Variants in LRRC9 observed in about 807,000 individuals in gnomAD.
LRRC9 encodes the protein leucine-rich repeat-containing protein 9.
Under a neutral mutation model 63.2 loss-of-function variants are expected in LRRC9, and 122 were observed. The observed-to-expected ratio is 1.93, with a 90% CI of 1.67 to 2.24. The LOEUF is 2.24. Ranked by LOEUF, LRRC9 falls within the 30% of genes most tolerant of loss-of-function variation. The probability of loss-of-function intolerance (pLI) is 0.00; values close to 1 mark genes in which losing one functional copy is unlikely to be tolerated. For missense variants in LRRC9, 1,071 were observed against 627.7 expected (o/e 1.71, Z -7.55); for synonymous variants, 366 against 213.1 (o/e 1.72, Z -6.25).
intron 28 of LRRC9, among the ~76,000 whole-genome samples, chr14:60,028,632 ACT>A: frequency 6.6e-6 from 1 of 151,946 alleles, no homozygotes; most frequent in East Asian, 1.9e-4. Flanking sequence ...AACTGCTCAG[ACT>A]CTCTCCTGAG....
At chr14:59,934,392 T>C (rs1889959605) in intron 6 of LRRC9, among the ~76,000 whole-genome samples, 1 of 152,112 alleles carries the variant, frequency 6.6e-6, no homozygotes, top group Non-Finnish European at 1.5e-5. Flanking sequence ...AGAATACCAG[T>C]GGGGCCATCC....
chr14:59,949,525 T>C (rs1439913675), intron 8 of LRRC9, among the ~76,000 whole-genome samples: 4 of 151,350 alleles, frequency 2.6e-5, no homozygotes, highest in African/African-American at 9.8e-5. Flanking sequence ...CTGCTCTGAT[T>C]TTAGTTATTT....
In LRRC9 at chr14:59,936,787, CAG is replaced by C. The variant is rs1378278300; in HGVS notation, c.544-1596_544-1595del. Among the ~76,000 whole-genome samples the C allele has an allele frequency of 2.0e-5, 3 of 152,196 alleles. No individual in the cohort carries two copies. Among genetic ancestry groups the C allele is most frequent in the Non-Finnish European group, 4.4e-5 (3 of 68,024 alleles). ...CCAGTGAGCCACATTCTCACTTGTC[CAG>C]AGAGAGTTTGGAAATACATTAACCG... On this transcript the variant is annotated intron_variant, in intron 6 of 31. Coordinates refer to ENST00000445360, the Ensembl canonical transcript of LRRC9. This position sits in a 1 kb window ranked among gnomAD's most constrained non-coding sequence, Gnocchi z 4.2.
At chr14:60,033,571 C>T (rs892939844) in intron 29 of LRRC9, among the ~76,000 whole-genome samples, 8 of 151,970 alleles carry the variant, frequency 5.3e-5, no homozygotes, top group Non-Finnish European at 1.0e-4. Flanking sequence ...TGGTAAATTA[C>T]GTTAATAGAC....
rs1566794958 is a variant in LRRC9, at chr14:59,942,927, T to C, written c.727-1662T>C. Among the ~76,000 whole-genome samples the C allele has an allele frequency of 1.3e-5, 2 of 152,156 alleles. No homozygotes were observed. The highest frequency in any genetic ancestry group is 2.9e-5 in the Non-Finnish European group (2 of 68,018). On this transcript the variant is annotated intron_variant, in intron 7 of 31. Coordinates refer to ENST00000445360, the Ensembl canonical transcript of LRRC9. The surrounding 1 kb of genome is among the most constrained non-coding windows in gnomAD (Gnocchi z 5.3). ...CATTTGTATGGTCTGTTGAGAAATG[T>C]CTATGCAGTTCCTTTGCCCACCTTT...
At chr14:59,983,124 C>T (rs193123658) in intron 16 of LRRC9, among the ~76,000 whole-genome samples, 1 of 152,296 alleles carries the variant, frequency 6.6e-6, no homozygotes, top group East Asian at 1.9e-4. Context: ...TAGACTATTA[C>T]CCCAGCCTTC....
chr14:59,928,110 G>T (rs9323357), intron 2 of LRRC9, 119 bp downstream of exon 2: 248,755 of 571,922 alleles, frequency 0.43, 61,325 homozygotes, highest in African/African-American at 0.83. Flanking sequence ...TAGTGACTTT[G>T]GGAAGCAGAG....
chr14:60,025,997 G>A (rs892889542), intron 27 of LRRC9, among the ~76,000 whole-genome samples: 3 of 152,084 alleles, frequency 2.0e-5, no homozygotes, highest in Admixed American at 2.0e-4. Context: ...AGGTACTAAA[G>A]CTAAAGTCAT....
Position 59,927,927 on chromosome 14 carries a change from A to C in LRRC9, c.-17A>C. On this transcript the variant is annotated 5_prime_UTR_variant, in exon 2 of 32. Coordinates refer to ENST00000445360, the Ensembl canonical transcript of LRRC9. This position sits in a 1 kb window ranked among gnomAD's most constrained non-coding sequence, Gnocchi z 4.4. ...CCTTAAAAGTTATAATATTATGATCACTGTTTTTAATGGAAGATGATTGAA... is the reference window on the plus strand; with the variant it reads ...CCTTAAAAGTTATAATATTATGATCCCTGTTTTTAATGGAAGATGATTGAA... The C allele has an allele frequency of 1.5e-6, 1 of 672,604 alleles. No homozygotes were observed. The highest frequency in any genetic ancestry group is 2.7e-6 in the Non-Finnish European group (1 of 374,030). The allele number at this position is 672,604 out of a possible 1,614,324, so 41.7% of individuals were successfully genotyped here.
intron 17 of LRRC9, among the ~76,000 whole-genome samples, chr14:59,991,302 T>A (rs1280126182): frequency 6.6e-6 from 1 of 152,132 alleles, no homozygotes; most frequent in African/African-American, 2.4e-5. Flanking sequence ...GGTAAGTTGG[T>A]TCTACTAAGT....
At chr14:60,011,581 A>G (rs1351059444) in intron 23 of LRRC9, among the ~76,000 whole-genome samples, 1 of 152,198 alleles carries the variant, frequency 6.6e-6, no homozygotes, top group East Asian at 1.9e-4. Flanking sequence ...TTTGCATTTT[A>G]CTATTTGATT....
intron 16 of LRRC9, among the ~76,000 whole-genome samples, chr14:59,982,790 TAA>T (rs751823867): frequency 1.3e-5 from 2 of 152,190 alleles, no homozygotes; most frequent in Non-Finnish European, 2.9e-5. Flanking sequence ...CTGAGCACAT[TAA>T]GACTAGTCAC....
In LRRC9 at chr14:59,956,231, T is replaced by C. The variant is rs577192712; in HGVS notation, c.883-3587T>C. 5.3e-5 allele frequency among the ~76,000 whole-genome samples: 8 copies of C among 152,180 alleles called. 1 individual carries two copies. In the East Asian group the frequency reaches 1.5e-3, roughly 29 times the overall value. On this transcript the variant is annotated intron_variant, in intron 8 of 31. Coordinates refer to ENST00000445360, the Ensembl canonical transcript of LRRC9. ...CTTGTTGATCTGTCTAATGTGACAG[T>C]GGGGTGTTAAGGTCTCCCACTATTA...
At chr14:60,041,952 T>C (rs1892984374) in intron 29 of LRRC9, among the ~76,000 whole-genome samples, 1 of 152,210 alleles carries the variant, frequency 6.6e-6, no homozygotes, top group South Asian at 2.1e-4. Flanking sequence ...TTCTGTTTGT[T>C]AGTTTTCTTT....
chr14:59,957,643 C>T (rs1883906883), intron 8 of LRRC9, among the ~76,000 whole-genome samples: 1 of 152,090 alleles, frequency 6.6e-6, no homozygotes, highest in Non-Finnish European at 1.5e-5. Flanking sequence ...ATTCATCAGT[C>T]TCATTCTCTG....
At chr14:60,041,034 A>T (rs546895596) in intron 29 of LRRC9, among the ~76,000 whole-genome samples, 2 of 151,912 alleles carry the variant, frequency 1.3e-5, no homozygotes, top group Non-Finnish European at 2.9e-5. Flanking sequence ...GTTTGGCTGG[A>T]TATGAAATTC....
At chr14:60,001,934 C>T (rs1409649858) in intron 19 of LRRC9, 32 bp from the exon 20 acceptor site, 1 of 623,580 alleles carries the variant, frequency 1.6e-6, no homozygotes, top group Non-Finnish European at 2.9e-6. Context: ...ATACTGTTTC[C>T]TTTTTTCACT....
chr14:60,027,277 A>G lies in LRRC9; in HGVS notation c.3704-607A>G, dbSNP rs1891631803. On this transcript the variant is annotated intron_variant, in intron 27 of 31. Coordinates refer to ENST00000445360, the Ensembl canonical transcript of LRRC9. This position sits in a 1 kb window ranked among gnomAD's most constrained non-coding sequence, Gnocchi z 4.0. The stretch of plus-strand genomic sequence containing the variant: ...ACTGTACATATAAAAGCATTTTGTA[A>G]ATTGGAGAGTCTTCATATAAGTTAT... 6.6e-6 allele frequency among the ~76,000 whole-genome samples: 1 copy of G among 152,000 alleles called. No individual in the cohort carries two copies. Among genetic ancestry groups the G allele is most frequent in the Admixed American group, 6.6e-5 (1 of 15,218 alleles).
chr14:60,034,015 C>CTTTTTTTTTTTT (rs1157239003), intron 29 of LRRC9, among the ~76,000 whole-genome samples: 1 of 116,058 alleles, frequency 8.6e-6, no homozygotes, highest in African/African-American at 3.7e-5. Context: ...TTTTTTCTTT[C>CTTTTTTTTTTTT]TTTTTTTTTT....
Sources: gnomAD v4.1 joint callset for allele counts (sites outside exome capture counted in the v4.1 genomes callset) on GRCh38, gnomAD v4.1.1 for gene constraint, Gnocchi (gnomAD v3.1) non-coding constraint, MANE v1.5 for transcripts, NCBI Gene and HGNC (gene_info 2026-07-23, HGNC 2026-07-21) for gene names.